Variants in NPFFR1 observed in about 807,000 individuals in gnomAD.
NPFFR1 encodes neuropeptide FF receptor 1, also known as G-protein coupled receptor 147.
NPFFR1 carries 17 observed loss-of-function variants against 12.7 expected under a neutral mutation model. That is an observed-to-expected ratio of 1.34 (90% confidence interval 0.92 to 2.01). The LOEUF is 2.01. Ranked by LOEUF, NPFFR1 falls within the 30% of genes most tolerant of loss-of-function variation. The probability of loss-of-function intolerance (pLI) is 0.00; values close to 1 mark genes in which losing one functional copy is unlikely to be tolerated. For synonymous variants in NPFFR1, 296 were observed against 264.5 expected (o/e 1.12, Z -1.16); for missense variants, 604 against 606.5 (o/e 1.00, Z 0.04).
In NPFFR1 at chr10:70,255,279, G is replaced by A. The variant is rs775277799; in HGVS notation, c.971C>T (p.Ala324Val). 45 of 1,579,012 alleles carry A rather than the reference G, an allele frequency of 2.8e-5. No homozygotes were observed. Among genetic ancestry groups the A allele is most frequent in the Admixed American group, 2.0e-4 (11 of 55,502 alleles). The change falls in exon 4 of 4, where the codon GCC (alanine) becomes GTC (valine). Residue 324 changes from alanine to valine, a missense_variant. Ala to Val is a moderately conservative substitution (Grantham distance 64). Coordinates refer to ENST00000277942, the MANE Select transcript of NPFFR1 (RefSeq NM_022146.5). This position sits in a 1 kb window ranked among gnomAD's most constrained non-coding sequence, Gnocchi z 4.2. Reference protein sequence around the residue: ...AHWLAFFNSSANPIIYGYFNE... With the variant: ...AHWLAFFNSSVNPIIYGYFNE... Reference sequence around the variant, plus strand: ...GAAGTAGCCGTAGATGATGGGGTTGGCGCTGCTGTTGAAGAAGGCCAGCCA... The same window carrying A: ...GAAGTAGCCGTAGATGATGGGGTTGACGCTGCTGTTGAAGAAGGCCAGCCA...
rs1840467706 is a variant in NPFFR1, at chr10:70,248,109, T to G, written c.*6848A>C. On this transcript the variant is annotated 3_prime_UTR_variant, in exon 4 of 4. Coordinates refer to ENST00000277942, the MANE Select transcript of NPFFR1 (RefSeq NM_022146.5). ...ACTCTGAACCTCAGTTTCCCAGATGTAGGAAGGAGAGACCACAGCAGCTTG... is the reference window on the plus strand; with the variant it reads ...ACTCTGAACCTCAGTTTCCCAGATGGAGGAAGGAGAGACCACAGCAGCTTG... 6.6e-6 allele frequency: 1 copy of G among 152,138 alleles called. No homozygotes were observed. Among genetic ancestry groups the G allele is most frequent in the Non-Finnish European group, 1.5e-5 (1 of 68,024 alleles). The allele number at this position is 152,138 out of a possible 1,614,324, so 9.4% of individuals were successfully genotyped here. A position where few individuals can be genotyped will look rare whatever the true frequency, so the allele number is the denominator to read the frequency against.
chr10:70,283,762 G>A lies in NPFFR1; in HGVS notation c.-86C>T. 2 of 1,460,400 alleles carry A rather than the reference G, an allele frequency of 1.4e-6. No homozygotes were observed. The highest frequency in any genetic ancestry group is 1.9e-6 in the Non-Finnish European group (2 of 1,080,680). 90.5% of individuals were successfully genotyped at this position (1,460,400 alleles called of 1,614,324 possible). A position where few individuals can be genotyped will look rare whatever the true frequency, so the allele number is the denominator to read the frequency against. The stretch of plus-strand genomic sequence containing the variant: ...GCCAGCGGGCAGAGGGACGGTCTCC[G>A]GGCACTTGGTTGCGGGCTGCGCCCC... On this transcript the variant is annotated 5_prime_UTR_variant, in exon 1 of 4. Transcript: ENST00000277942.
Position 70,272,630 on chromosome 10 carries a change from G to A in NPFFR1, c.8-6239C>T, listed in dbSNP as rs541726071. Reference sequence around the variant, plus strand: ...AAACAGATTTTTGCTTGGATTGTTCGGTTAAACTTTTCGTCAAACAGATCG... The same window carrying A: ...AAACAGATTTTTGCTTGGATTGTTCAGTTAAACTTTTCGTCAAACAGATCG... On this transcript the variant is annotated intron_variant, in intron 1 of 3. Coordinates refer to ENST00000277942, the MANE Select transcript of NPFFR1 (RefSeq NM_022146.5). Among the ~76,000 whole-genome samples, 31 of 152,316 alleles carry A rather than the reference G, an allele frequency of 2.0e-4. No individual in the cohort carries two copies. In the South Asian group the frequency reaches 3.9e-3, roughly 19 times the overall value.
At chr10:70,276,573 T>C (rs1246308645) in intron 1 of NPFFR1, among the ~76,000 whole-genome samples, 1 of 147,164 alleles carries the variant, frequency 6.8e-6, no homozygotes, top group African/African-American at 2.4e-5. Flanking sequence ...TTTAATTCTT[T>C]ATGTTTGTAT....
chr10:70,281,160 T>C (rs1393565475), intron 1 of NPFFR1, among the ~76,000 whole-genome samples: 2 of 152,212 alleles, frequency 1.3e-5, no homozygotes, highest in Non-Finnish European at 2.9e-5. Flanking sequence ...GAATGGTTCC[T>C]CAAATTTTTA....
rs1236729154 is a variant in NPFFR1 at position 70,252,282 on chromosome 10, G to C, written c.*2675C>G. 5 of 152,204 alleles carry C rather than the reference G, an allele frequency of 3.3e-5. No homozygotes were observed. The highest frequency in any genetic ancestry group is 1.2e-4 in the African/African-American group (5 of 41,426). The allele number at this position is 152,204 out of a possible 1,614,324, so 9.4% of individuals were successfully genotyped here. A position where few individuals can be genotyped will look rare whatever the true frequency, so the allele number is the denominator to read the frequency against. Reference sequence around the variant, plus strand: ...CTAAGTGAAAGAAGCCAGTCAAAAAGGATAGTATTGTATGATTCCTCTTGT... The same window carrying C: ...CTAAGTGAAAGAAGCCAGTCAAAAACGATAGTATTGTATGATTCCTCTTGT... On this transcript the variant is annotated 3_prime_UTR_variant, in exon 4 of 4. Coordinates refer to ENST00000277942, the MANE Select transcript of NPFFR1 (RefSeq NM_022146.5).
intron 1 of NPFFR1, 22 bp downstream of exon 1, chr10:70,283,648 C>T: frequency 6.5e-7 from 1 of 1,534,246 alleles, no homozygotes; most frequent in Non-Finnish European, 8.7e-7. Flanking sequence ...CACGGCTGGC[C>T]CCCAGCCCCA....
Position 70,248,485 on chromosome 10 carries a change from GTTTTTTTT to G in NPFFR1, c.*6464_*6471del. On this transcript the variant is annotated 3_prime_UTR_variant, in exon 4 of 4. Coordinates refer to ENST00000277942, the MANE Select transcript of NPFFR1 (RefSeq NM_022146.5). ...GCCTGGCGTTTTTTTTTTGTTTTTT[GTTTTTTTT>G]TTTTTTTTTTGAGATGGAGTCTCAC... The G allele has an allele frequency of 1.1e-5, 1 of 91,338 alleles. No homozygotes were observed. The highest frequency in any genetic ancestry group is 2.1e-5 in the Non-Finnish European group (1 of 46,996). 5.7% of individuals were successfully genotyped at this position (91,338 alleles called of 1,614,324 possible). A position where few individuals can be genotyped will look rare whatever the true frequency, so the allele number is the denominator to read the frequency against.
intron 1 of NPFFR1, among the ~76,000 whole-genome samples, chr10:70,274,974 T>G (rs958386947): frequency 2.6e-5 from 4 of 152,186 alleles, no homozygotes; most frequent in Non-Finnish European, 2.9e-5. Context: ...TTGAGAACTA[T>G]AACCTCCTAC....
intron 1 of NPFFR1, among the ~76,000 whole-genome samples, chr10:70,280,997 G>A (rs533210153): frequency 1.1e-4 from 16 of 148,140 alleles, no homozygotes; most frequent in Non-Finnish European, 1.8e-4. Flanking sequence ...GCGAGACTCC[G>A]TCTCAAACAA....
chr10:70,270,292 G>A (rs1840732963), intron 1 of NPFFR1, among the ~76,000 whole-genome samples: 1 of 152,126 alleles, frequency 6.6e-6, no homozygotes. Context: ...ATGTTGGAAG[G>A]CCTTCTCCAG....
intron 1 of NPFFR1, among the ~76,000 whole-genome samples, chr10:70,272,227 A>AGAAC (rs1840756073): frequency 1.5e-4 from 1 of 6,748 alleles, no homozygotes; most frequent in Non-Finnish European, 2.8e-4. Context: ...AAAGAAAGAA[A>AGAAC]GAAAGAAAGA....
In NPFFR1 at chr10:70,283,679, T is replaced by A. The variant is rs1162219262; in HGVS notation, c.-3A>T. On this transcript the variant is annotated 5_prime_UTR_variant, in exon 1 of 4. Transcript: ENST00000277942. ...CCCCAGGACCACTCACCCTCCATGA[T>A]GCCCCCAGTTGCGGGCTCCGGCGGT... 3 of 1,535,642 alleles carry A rather than the reference T, an allele frequency of 2.0e-6. No individual in the cohort carries two copies. The highest frequency in any genetic ancestry group is 2.6e-6 in the Non-Finnish European group (3 of 1,146,682).
Position 70,248,466 on chromosome 10 carries a change from C to CA in NPFFR1, c.*6490_*6491insT, listed in dbSNP as rs1840472501. The CA allele has an allele frequency of 8.1e-5, 4 of 49,464 alleles. No individual in the cohort carries two copies. Among genetic ancestry groups the CA allele is most frequent in the African/African-American group, 1.7e-4 (3 of 17,966 alleles). The allele number at this position is 49,464 out of a possible 1,614,324, so 3.1% of individuals were successfully genotyped here. On this transcript the variant is annotated 3_prime_UTR_variant, in exon 4 of 4. Transcript: ENST00000277942. Reference sequence around the variant, plus strand: ...ACAAAGTACGTAGTACTATGCCTGGCGTTTTTTTTTTGTTTTTTGTTTTTT... The same window carrying CA: ...ACAAAGTACGTAGTACTATGCCTGGCAGTTTTTTTTTTGTTTTTTGTTTTTT...
At chr10:70,259,947 C>T (rs1256098090) in intron 3 of NPFFR1, among the ~76,000 whole-genome samples, 1 of 152,184 alleles carries the variant, frequency 6.6e-6, no homozygotes, top group Admixed American at 6.5e-5. Flanking sequence ...TCTGCCTGCC[C>T]ACCTTTCCCT....
In NPFFR1 at chr10:70,255,191, C is replaced by CGACGGGCGCGGGCAGA. The variant is rs1564592611; in HGVS notation, c.1043_1058dup (p.Gly354LeufsTer38). 3.2e-6 allele frequency: 5 copies of CGACGGGCGCGGGCAGA among 1,550,212 alleles called. No homozygotes were observed. Among genetic ancestry groups the CGACGGGCGCGGGCAGA allele is most frequent in the Admixed American group, 1.9e-5 (1 of 51,368 alleles). On this transcript the variant is annotated frameshift_variant, in exon 4 of 4. Coordinates refer to ENST00000277942, the MANE Select transcript of NPFFR1 (RefSeq NM_022146.5). LOFTEE classifies it low-confidence loss of function (END_TRUNC). This position sits in a 1 kb window ranked among gnomAD's most constrained non-coding sequence, Gnocchi z 4.2. The stretch of plus-strand genomic sequence containing the variant: ...CGGAGTAGGCCTCCTTGTGGCTCCC[C>CGACGGGCGCGGGCAGA]GACGGGCGCGGGCAGAGGCGGGCGC...
rs1470330543 is a variant in NPFFR1, at chr10:70,253,299, T to C, written c.*1658A>G. ...GCTTGGGCACCAGGAGTGGGCATTC[T>C]GGTTCACTGTTAGGCAAAAAAGCCT... On this transcript the variant is annotated 3_prime_UTR_variant, in exon 4 of 4. Coordinates refer to ENST00000277942, the MANE Select transcript of NPFFR1 (RefSeq NM_022146.5). 6.6e-6 allele frequency: 1 copy of C among 152,180 alleles called. No homozygotes were observed. Among genetic ancestry groups the C allele is most frequent in the Non-Finnish European group, 1.5e-5 (1 of 68,028 alleles). The allele number at this position is 152,180 out of a possible 1,614,324, so 9.4% of individuals were successfully genotyped here. A position where few individuals can be genotyped will look rare whatever the true frequency, so the allele number is the denominator to read the frequency against.
rs921728812 is a variant in NPFFR1 at position 70,251,141 on chromosome 10, C to A, written c.*3816G>T. ...TTCATTGTAATGAAGCCCATTTAGA[C>A]CGCCTCCTTCTCATCTATCTTTCAT... is the stretch of plus-strand genomic sequence containing the variant. On this transcript the variant is annotated 3_prime_UTR_variant, in exon 4 of 4. Transcript: ENST00000277942. The A allele has an allele frequency of 2.0e-5, 3 of 152,220 alleles. No homozygotes were observed. Among genetic ancestry groups the A allele is most frequent in the Non-Finnish European group, 4.4e-5 (3 of 68,042 alleles). 9.4% of individuals were successfully genotyped at this position (152,220 alleles called of 1,614,324 possible). A position where few individuals can be genotyped will look rare whatever the true frequency, so the allele number is the denominator to read the frequency against.
intron 1 of NPFFR1, among the ~76,000 whole-genome samples, chr10:70,274,082 G>A (rs1403636178): frequency 6.6e-6 from 1 of 152,188 alleles, no homozygotes; most frequent in African/African-American, 2.4e-5. Flanking sequence ...ATGCAGAGAG[G>A]AAAGGACACT....
Sources: gnomAD v4.1 joint callset for allele counts (sites outside exome capture counted in the v4.1 genomes callset) on GRCh38, gnomAD v4.1.1 for gene constraint, Gnocchi (gnomAD v3.1) non-coding constraint, MANE v1.5 for transcripts, NCBI Gene and HGNC (gene_info 2026-07-23, HGNC 2026-07-21) for gene names.